The following CCDC60 variants were observed in gnomAD, a reference collection of about 807,000 sequenced individuals.
The protein encoded by CCDC60 is coiled-coil domain-containing protein 60.
A neutral mutation model predicts 63.5 loss-of-function variants in CCDC60; 54 were observed. The observed-to-expected ratio is 0.85, with a 90% CI of 0.68 to 1.07. The LOEUF (loss-of-function observed/expected upper bound fraction) is 1.07. Ranked by LOEUF, CCDC60 falls within the 50% of genes least tolerant of loss-of-function variation. The probability of loss-of-function intolerance (pLI) is 0.00; values close to 1 mark genes in which losing one functional copy is unlikely to be tolerated. For missense variants in CCDC60, 651 were observed against 684.3 expected, an observed-to-expected ratio of 0.95 and a Z score of 0.54; for synonymous variants, 206 against 238.8, an observed-to-expected ratio of 0.86 and a Z score of 1.27.
At chr12:119,460,650 T>C (rs2695503) in intron 2 of CCDC60, among the ~76,000 whole-genome samples, 135,567 of 152,240 alleles carry the variant, frequency 0.89, 60,754 homozygotes, top group East Asian at 1. Context: ...CTGGGTCCGT[T>C]GTGGATTTTG....
At chr12:119,455,518 T>C (rs1950710818) in intron 2 of CCDC60, among the ~76,000 whole-genome samples, 1 of 152,042 alleles carries the variant, frequency 6.6e-6, no homozygotes. Context: ...GAAGGACAAA[T>C]AGAAATCAAG....
chr12:119,519,918 C>T (rs930415698), intron 8 of CCDC60, among the ~76,000 whole-genome samples: 7 of 151,732 alleles, frequency 4.6e-5, no homozygotes, highest in Non-Finnish European at 1.0e-4. Context: ...CTGGGGCCCC[C>T]CTCCAGGCCT....
chr12:119,412,911 T>A (rs1255714357), intron 1 of CCDC60, among the ~76,000 whole-genome samples: 1 of 152,068 alleles, frequency 6.6e-6, no homozygotes, highest in Non-Finnish European at 1.5e-5. Flanking sequence ...GAATGACTAC[T>A]CGTGGGTAGA....
chr12:119,406,872 A>G (rs1224621030), intron 1 of CCDC60, among the ~76,000 whole-genome samples: 2 of 152,198 alleles, frequency 1.3e-5, no homozygotes, highest in Non-Finnish European at 2.9e-5. Flanking sequence ...GGACTGAGAC[A>G]TGGTGACAGG....
intron 2 of CCDC60, among the ~76,000 whole-genome samples, chr12:119,469,681 C>T (rs1403700843): frequency 6.6e-6 from 1 of 152,122 alleles, no homozygotes; most frequent in African/African-American, 2.4e-5. Flanking sequence ...GAGTAACAAC[C>T]AAATTTAAAC....
chr12:119,540,892 C>T lies in CCDC60; in HGVS notation c.*177C>T, dbSNP rs188559821. 3 of 555,166 alleles carry T rather than the reference C, an allele frequency of 5.4e-6. No individual in the cohort carries two copies. Among genetic ancestry groups the T allele is most frequent in the African/African-American group, 3.8e-5 (2 of 52,146 alleles). 34.4% of individuals were successfully genotyped at this position (555,166 alleles called of 1,614,324 possible). A position where few individuals can be genotyped will look rare whatever the true frequency, so the allele number is the denominator to read the frequency against. On this transcript the variant is annotated 3_prime_UTR_variant, in exon 14 of 14. Coordinates refer to ENST00000327554, the MANE Select transcript of CCDC60 (RefSeq NM_178499.5). The stretch of plus-strand genomic sequence containing the variant: ...AGCAACATTTTTAGAGGGGGATGGC[C>T]CCGGTGGCCCTCCCCTCAATTCCAC...
chr12:119,361,477 C>A (rs1955790346), intron 1 of CCDC60, among the ~76,000 whole-genome samples: 1 of 152,090 alleles, frequency 6.6e-6, no homozygotes, highest in Admixed American at 6.5e-5. Context: ...TGGCCACCAG[C>A]AGCTCCAGGT....
chr12:119,372,028 C>T (rs1216779861), intron 1 of CCDC60, among the ~76,000 whole-genome samples: 2 of 151,988 alleles, frequency 1.3e-5, no homozygotes, highest in East Asian at 1.9e-4. Flanking sequence ...GAGGCCAAGG[C>T]GGGTGGATCA....
At chr12:119,435,461 T>G (rs1950307027) in intron 2 of CCDC60, among the ~76,000 whole-genome samples, 1 of 152,198 alleles carries the variant, frequency 6.6e-6, no homozygotes, top group South Asian at 2.1e-4. Flanking sequence ...CCACTTTGAC[T>G]TATCGATGAC....
At chr12:119,452,642 A>G (rs1263425811) in intron 2 of CCDC60, among the ~76,000 whole-genome samples, 2 of 152,196 alleles carry the variant, frequency 1.3e-5, no homozygotes, top group Admixed American at 6.5e-5. Flanking sequence ...GCACACGGTA[A>G]TGAGTCATAT....
chr12:119,348,089 T>C (rs932644627), intron 1 of CCDC60, among the ~76,000 whole-genome samples: 1 of 152,226 alleles, frequency 6.6e-6, no homozygotes, highest in African/African-American at 2.4e-5. Flanking sequence ...GACTGTCGCC[T>C]GTGTTGCTAT....
intron 2 of CCDC60, among the ~76,000 whole-genome samples, chr12:119,439,349 C>G (rs1950393791): frequency 6.6e-6 from 1 of 151,894 alleles, no homozygotes; most frequent in Non-Finnish European, 1.5e-5. Flanking sequence ...ATGTAACTCC[C>G]CTAGACCTGG....
At chr12:119,478,324 C>CTA (rs1017845269) in intron 3 of CCDC60, among the ~76,000 whole-genome samples, 6 of 151,092 alleles carry the variant, frequency 4.0e-5, no homozygotes, top group African/African-American at 9.7e-5. Flanking sequence ...AACAAACAAA[C>CTA]TATATATATC....
intron 2 of CCDC60, among the ~76,000 whole-genome samples, chr12:119,444,391 C>T (rs551554212): frequency 2.6e-5 from 4 of 152,132 alleles, no homozygotes; most frequent in African/African-American, 9.7e-5. Context: ...CTCATAGTCT[C>T]GTCACTGGGA....
chr12:119,384,648 T>G (rs941859942), intron 1 of CCDC60, among the ~76,000 whole-genome samples: 4 of 152,196 alleles, frequency 2.6e-5, no homozygotes, highest in African/African-American at 9.6e-5. Flanking sequence ...CATCCTGGCT[T>G]CTGCCTACCT....
chr12:119,451,830 ATACT>A (rs1409931830), intron 2 of CCDC60, among the ~76,000 whole-genome samples: 1 of 152,220 alleles, frequency 6.6e-6, no homozygotes, highest in Non-Finnish European at 1.5e-5. Flanking sequence ...GATTAGATAA[ATACT>A]TACTGAGAGT....
At chr12:119,350,186 T>C (rs909965562) in intron 1 of CCDC60, among the ~76,000 whole-genome samples, 2 of 150,466 alleles carry the variant, frequency 1.3e-5, no homozygotes, top group East Asian at 3.9e-4. Flanking sequence ...TATTTATTTA[T>C]TTATTTATTT....
intron 12 of CCDC60, among the ~76,000 whole-genome samples, chr12:119,530,329 G>A (rs1952805771): frequency 6.6e-6 from 1 of 151,290 alleles, no homozygotes; most frequent in Non-Finnish European, 1.5e-5. Flanking sequence ...CATCTCCTTA[G>A]GTTAGACCTA....
chr12:119,426,337 T>C (rs1277359485), intron 1 of CCDC60, among the ~76,000 whole-genome samples: 1 of 100,752 alleles, frequency 9.9e-6, no homozygotes, highest in Admixed American at 1.2e-4. Flanking sequence ...TTCTTTTTTC[T>C]TTTATTTTTA....
Sources: gnomAD v4.1 joint callset for allele counts (sites outside exome capture counted in the v4.1 genomes callset) on GRCh38, gnomAD v4.1.1 for gene constraint, MANE v1.5 for transcripts, NCBI Gene and HGNC (gene_info 2026-07-23, HGNC 2026-07-21) for gene names.